CHLSN: variants seen among roughly 807,000 people sequenced by gnomAD.
CHLSN encodes cholesin.
chr7:985,919 C>T, the CHLSN span, among the ~76,000 whole-genome samples: 14 of 152,118 alleles, frequency 9.2e-5, no homozygotes, highest in East Asian at 5.8e-4. Context: ...GAGTGAGCAG[C>T]GGTGGGTTCA....
the CHLSN span, among the ~76,000 whole-genome samples, chr7:1,016,742 C>T: frequency 4.3e-5 from 5 of 117,442 alleles, no homozygotes; most frequent in African/African-American, 1.4e-4. Context: ...CACACGCCAG[C>T]GCACAGCAGC....
chr7:1,101,187 G>A, the CHLSN span, among the ~76,000 whole-genome samples: 1 of 152,282 alleles, frequency 6.6e-6, no homozygotes, highest in East Asian at 1.9e-4. Context: ...GCGTTGCTGG[G>A]AAACGTCAGC....
the CHLSN span, among the ~76,000 whole-genome samples, chr7:1,046,742 A>G: frequency 6.6e-6 from 1 of 152,168 alleles, no homozygotes; most frequent in East Asian, 1.9e-4. Flanking sequence ...GTTCATCCCC[A>G]CAGAGCCACA....
At chr7:1,002,125 G>C in the CHLSN span, among the ~76,000 whole-genome samples, 1 of 136,550 alleles carries the variant, frequency 7.3e-6, no homozygotes, top group Non-Finnish European at 1.6e-5. Context: ...CTGTGGGTGA[G>C]TGGAGCCCTG....
the CHLSN span, among the ~76,000 whole-genome samples, chr7:1,070,819 A>G: frequency 9.5e-6 from 1 of 105,366 alleles, no homozygotes; most frequent in Non-Finnish European, 1.9e-5. Flanking sequence ...ACACATCCAC[A>G]CGTGCACACA....
At chr7:1,082,450 C>G in the CHLSN span, among the ~76,000 whole-genome samples, 1 of 152,340 alleles carries the variant, frequency 6.6e-6, no homozygotes, top group Non-Finnish European at 1.5e-5. Flanking sequence ...CTGAGTTACT[C>G]AGAGCAGGGG....
chr7:985,803 T>A, the CHLSN span, among the ~76,000 whole-genome samples: 3 of 152,180 alleles, frequency 2.0e-5, no homozygotes, highest in African/African-American at 7.2e-5. Context: ...TTGATGTGCG[T>A]TTACCGAAGC....
chr7:1,016,602 CGTACAGCAG>C, the CHLSN span, among the ~76,000 whole-genome samples: 20 of 66,910 alleles, frequency 3.0e-4, no homozygotes, highest in Non-Finnish European at 5.2e-4. Context: ...CACACAGCAG[CGTACAGCAG>C]CGCACGCCAG....
At chr7:997,558 G>A in the CHLSN span, 5 of 1,350,284 alleles carry the variant, frequency 3.7e-6, no homozygotes, top group Non-Finnish European at 3.9e-6. Context: ...ACCGCCGGAG[G>A]AGCTGCACCC....
the CHLSN span, among the ~76,000 whole-genome samples, chr7:1,035,990 G>A: frequency 6.6e-6 from 1 of 152,202 alleles, no homozygotes. Flanking sequence ...ACAGCATTCT[G>A]CGAAGTGACA....
the CHLSN span, among the ~76,000 whole-genome samples, chr7:1,132,357 C>T: frequency 4.0e-5 from 6 of 151,756 alleles, no homozygotes; most frequent in South Asian, 2.1e-4. Flanking sequence ...AGACCAGTCC[C>T]GGCCACACAG....
chr7:1,036,917 C>T, the CHLSN span, among the ~76,000 whole-genome samples: 8 of 147,636 alleles, frequency 5.4e-5, 1 homozygote, highest in African/African-American at 9.8e-5. Context: ...GGAGACCGGC[C>T]GGGGCAGCAT....
At chr7:999,926 ACATCCT>A in the CHLSN span, among the ~76,000 whole-genome samples, 1 of 152,102 alleles carries the variant, frequency 6.6e-6, no homozygotes, top group Non-Finnish European at 1.5e-5. Flanking sequence ...ACTCTATCTC[ACATCCT>A]GCCCCTGAAA....
the CHLSN span, among the ~76,000 whole-genome samples, chr7:1,084,253 G>T: frequency 6.6e-6 from 1 of 152,254 alleles, no homozygotes; most frequent in African/African-American, 2.4e-5. Context: ...ATGCCCGAGG[G>T]TGCTCCTGCA....
At chr7:1,083,063 G>A in the CHLSN span, among the ~76,000 whole-genome samples, 1 of 152,170 alleles carries the variant, frequency 6.6e-6, no homozygotes, top group Non-Finnish European at 1.5e-5. Context: ...GGGGCGGAGG[G>A]TCCCCCAAGG....
the CHLSN span, among the ~76,000 whole-genome samples, chr7:1,110,143 G>A: frequency 1.3e-5 from 2 of 152,312 alleles, no homozygotes; most frequent in South Asian, 4.1e-4. Flanking sequence ...CCGAGGCAGG[G>A]CTCAGTCCGT....
the CHLSN span, chr7:1,091,969 C>G: frequency 6.2e-7 from 1 of 1,614,126 alleles, no homozygotes; most frequent in Non-Finnish European, 8.5e-7. Flanking sequence ...CATCCTGATC[C>G]TGGTGGTGAA....
chr7:1,033,596 A>G, the CHLSN span, among the ~76,000 whole-genome samples: 4 of 152,272 alleles, frequency 2.6e-5, 1 homozygote, highest in South Asian at 8.3e-4. Flanking sequence ...AATGCACCCT[A>G]TCAACAGGCT....
chr7:997,667 C>A, the CHLSN span: 2 of 1,610,068 alleles, frequency 1.2e-6, no homozygotes, highest in East Asian at 2.2e-5. Context: ...GCTGGGCCCT[C>A]CCCGGCAGGG....
Sources: gnomAD v4.1 joint callset for allele counts (sites outside exome capture counted in the v4.1 genomes callset) on GRCh38, gnomAD v4.1.1 for gene constraint, MANE v1.5 for transcripts, NCBI Gene and HGNC (gene_info 2026-07-23, HGNC 2026-07-21) for gene names.